The following AKAP12 variants were observed in gnomAD, a reference collection of about 807,000 sequenced individuals.
The protein encoded by AKAP12 is A-kinase anchoring protein 12, also known as A-kinase anchor protein 12.
A neutral mutation model predicts 79.9 loss-of-function variants in AKAP12; 32 were observed. The observed-to-expected ratio is 0.40, with a 90% confidence interval of 0.30 to 0.54. The LOEUF (loss-of-function observed/expected upper bound fraction) is 0.54, where lower values mean the gene tolerates loss of function less well. Among genes scored for constraint, AKAP12 ranks in the 20% least tolerant of loss-of-function variants. The pLI, the probability that AKAP12 is intolerant of heterozygous loss-of-function variation, is 0.48. For synonymous variants in AKAP12, 808 were observed against 857.0 expected, an observed-to-expected ratio of 0.94 and a Z score of 1.00; for missense variants, 2,074 against 2,177.0, an observed-to-expected ratio of 0.95 and a Z score of 0.94.
In AKAP12 at chr6:151,352,066, C is replaced by T; in HGVS notation, c.3675C>T (p.Ser1225=). Residue 1225 remains serine (S), a synonymous_variant, in exon 4 of 5, where the codon TCC becomes TCT. Transcript: ENST00000402676. The stretch of plus-strand genomic sequence containing the variant: ...AGAAAGAGAGGCCTCCAGCACCTTC[C>T]AGTTTTGTGTTCCAGGAAGAAACTA... ...PAQKERPPAP[S]SFVFQEETKE... is the part of the protein sequence containing the mutation. 6.2e-7 allele frequency: 1 copy of T among 1,614,132 alleles called. No individual in the cohort carries two copies. Among genetic ancestry groups the T allele is most frequent in the Non-Finnish European group, 8.5e-7 (1 of 1,180,028 alleles).
At chr6:151,325,010 A>G in intron 3 of AKAP12, 1 of 985,466 alleles carries the variant, frequency 1.0e-6, no homozygotes, top group South Asian at 4.7e-5. Flanking sequence ...CCATTTAGAA[A>G]AAGACCCCAT....
chr6:151,264,051 C>T (rs1797495344), intron 2 of AKAP12, among the ~76,000 whole-genome samples: 1 of 152,132 alleles, frequency 6.6e-6, no homozygotes, highest in Admixed American at 6.6e-5. Context: ...AATGCACTCT[C>T]CAGCTTGGGG....
chr6:151,331,184 A>G (rs907682318), intron 3 of AKAP12, among the ~76,000 whole-genome samples: 3 of 152,212 alleles, frequency 2.0e-5, no homozygotes, highest in Non-Finnish European at 4.4e-5. Context: ...ATCACTAAAG[A>G]TGTAACTTTT....
intron 2 of AKAP12, among the ~76,000 whole-genome samples, chr6:151,288,550 G>T (rs531532927): frequency 1.1e-4 from 17 of 152,228 alleles, no homozygotes; most frequent in African/African-American, 4.1e-4. Context: ...CGAGCACATT[G>T]GTTAAATGGA....
intron 2 of AKAP12, among the ~76,000 whole-genome samples, chr6:151,296,812 T>C (rs1261848650): frequency 6.6e-6 from 1 of 152,130 alleles, no homozygotes; most frequent in African/African-American, 2.4e-5. Context: ...AAAGCATGAC[T>C]GTCGGGGAAG....
At position 151,248,717 on chromosome 6, in the gene AKAP12, T is replaced by C. The variant is rs560537351; in HGVS notation, c.162+7993T>C. On this transcript the variant is annotated intron_variant, in intron 2 of 4. Transcript: ENST00000402676. ...TAAAAAGTGGGTTGCTGGCCGGGCA[T>C]GGTGGCTCACGCCTGTAATCCCAGC... Among the ~76,000 whole-genome samples, 129 of 152,266 alleles carry C rather than the reference T, an allele frequency of 8.5e-4. 1 individual carries two copies. The highest frequency in any genetic ancestry group is 1.2e-3 in the Admixed American group (19 of 15,298).
chr6:151,326,560 G>GAAA (rs1777533736), intron 3 of AKAP12, among the ~76,000 whole-genome samples: 1 of 151,536 alleles, frequency 6.6e-6, no homozygotes, highest in Non-Finnish European at 1.5e-5. Context: ...ATCTGGCCGT[G>GAAA]AGTATGAATT....
chr6:151,335,787 T>C (rs1277486496), intron 3 of AKAP12, among the ~76,000 whole-genome samples: 2 of 152,130 alleles, frequency 1.3e-5, no homozygotes, highest in African/African-American at 4.8e-5. Flanking sequence ...ATTTTTCGTT[T>C]AGATTCAGGG....
chr6:151,285,422 CTA>C (rs143490630), intron 2 of AKAP12, among the ~76,000 whole-genome samples: 6,280 of 84,450 alleles, frequency 0.074, 193 homozygotes, highest in South Asian at 0.13. Flanking sequence ...GTGTGTGTAT[CTA>C]TTTCAATCTA....
In AKAP12 at chr6:151,320,154, C is replaced by T. The variant is rs377136966; in HGVS notation, c.319+14251C>T. 2.2e-4 allele frequency among the ~76,000 whole-genome samples: 34 copies of T among 152,206 alleles called. 1 individual carries two copies. The South Asian group carries it at 7.1e-3, about 32-fold the overall frequency. ...GTTTTAATTCTGAGTGTAGTGGTCC[C>T]TGTCCCCTCCCTTTCAGGAAAAATA... On this transcript the variant is annotated intron_variant, in intron 3 of 4. Coordinates refer to ENST00000402676, the MANE Select transcript of AKAP12 (RefSeq NM_005100.4).
rs1468425838 is a variant in AKAP12, at chr6:151,352,072, T to G, written c.3681T>G (p.Phe1227Leu). Residue 1227 changes from phenylalanine (F) to leucine (L), a missense_variant, in exon 4 of 5, where the codon TTT (phenylalanine) becomes TTG (leucine). By Grantham distance (22) the Phe-to-Leu change is conservative. Around this residue, in one of 3 missense-constraint regions of AKAP12, gnomAD observed 614 missense variants for 665.6 expected, o/e 0.92. Coordinates refer to ENST00000402676, the MANE Select transcript of AKAP12 (RefSeq NM_005100.4). ...QKERPPAPSS[F>L]VFQEETKEQS... is the part of the protein sequence containing the mutation. ...AGAGGCCTCCAGCACCTTCCAGTTTTGTGTTCCAGGAAGAAACTAAAGAAC... is the reference window on the plus strand; with the variant it reads ...AGAGGCCTCCAGCACCTTCCAGTTTGGTGTTCCAGGAAGAAACTAAAGAAC... The G allele has an allele frequency of 1.9e-6, 3 of 1,614,016 alleles. No individual in the cohort carries two copies. The highest frequency in any genetic ancestry group is 3.3e-5 in the Admixed American group (2 of 59,988).
At chr6:151,279,509 A>G (rs532547183) in intron 2 of AKAP12, among the ~76,000 whole-genome samples, 13 of 152,246 alleles carry the variant, frequency 8.5e-5, no homozygotes, top group African/African-American at 3.1e-4. Context: ...GCAGTTTTTA[A>G]TATGTATGCA....
intron 2 of AKAP12, among the ~76,000 whole-genome samples, chr6:151,241,320 C>T (rs1316812043): frequency 6.6e-6 from 1 of 152,224 alleles, no homozygotes. Context: ...TGGGGTGTAG[C>T]TCGCTCAGAG....
chr6:151,322,567 C>T (rs1216978320), intron 3 of AKAP12, among the ~76,000 whole-genome samples: 6 of 152,240 alleles, frequency 3.9e-5, no homozygotes, highest in Non-Finnish European at 8.8e-5. Flanking sequence ...TCTGCCTCTG[C>T]CCATGCTCGT....
At chr6:151,279,476 C>G (rs1776353926) in intron 2 of AKAP12, among the ~76,000 whole-genome samples, 1 of 151,678 alleles carries the variant, frequency 6.6e-6, no homozygotes, top group Non-Finnish European at 1.5e-5. Context: ...TACAACTCTC[C>G]TTGACTTAGG....
At chr6:151,284,250 C>T (rs1207998945) in intron 2 of AKAP12, among the ~76,000 whole-genome samples, 1 of 152,138 alleles carries the variant, frequency 6.6e-6, no homozygotes, top group Non-Finnish European at 1.5e-5. Context: ...TCTTTGAAAC[C>T]TGCACGTTGA....
At chr6:151,324,637 T>C (rs1376904856) in intron 3 of AKAP12, 2 of 985,206 alleles carry the variant, frequency 2.0e-6, no homozygotes, top group Non-Finnish European at 2.4e-6. Context: ...TTTGTTTGTG[T>C]AGGGGAAGAG....
intron 2 of AKAP12, among the ~76,000 whole-genome samples, chr6:151,250,106 G>A (rs1016051096): frequency 1.1e-4 from 17 of 152,166 alleles, no homozygotes; most frequent in African/African-American, 3.6e-4. Context: ...TTAGCCGGGT[G>A]TGGTGGCACA....
chr6:151,347,513 G>T (rs764380493), intron 3 of AKAP12, among the ~76,000 whole-genome samples: 2 of 152,204 alleles, frequency 1.3e-5, no homozygotes, highest in African/African-American at 4.8e-5. Flanking sequence ...CTCACTCTTA[G>T]AGGTGCCGTG....
Sources: gnomAD v4.1 joint callset for allele counts (sites outside exome capture counted in the v4.1 genomes callset) on GRCh38, gnomAD v4.1.1 for gene constraint, gnomAD v4.1.1 regional missense constraint, MANE v1.5 for transcripts, NCBI Gene and HGNC (gene_info 2026-07-23, HGNC 2026-07-21) for gene names.